The following EBF1 variants were observed in gnomAD, a reference collection of about 807,000 sequenced individuals.
The protein encoded by EBF1 is transcription factor COE1.
A neutral mutation model predicts 68.4 loss-of-function variants in EBF1; 10 were observed. The observed-to-expected ratio is 0.15, with a 90% CI of 0.09 to 0.25. The LOEUF is 0.25. Among genes scored for constraint, EBF1 ranks in the 10% least tolerant of loss-of-function variants. The pLI is 1.00. For missense variants in EBF1, 509 were observed against 794.4 expected (o/e 0.64, Z 4.32); for synonymous variants, 298 against 299.8 (o/e 0.99, Z 0.06).
chr5:158,830,490 C>T (rs894990134), intron 7 of EBF1, among the ~76,000 whole-genome samples: 3 of 152,112 alleles, frequency 2.0e-5, no homozygotes, highest in African/African-American at 7.2e-5. Flanking sequence ...AGGATGGTCT[C>T]GATCTCTTGA....
intron 6 of EBF1, among the ~76,000 whole-genome samples, chr5:159,033,567 G>T (rs1769390158): frequency 1.3e-5 from 2 of 152,204 alleles, no homozygotes. Context: ...GTTGTATCTT[G>T]ACAGTGAGAG....
In EBF1 at chr5:158,883,376, G is replaced by GTA. The variant is rs753786053; in HGVS notation, c.555-43268_555-43267dup. Among the ~76,000 whole-genome samples, 15 of 148,572 alleles carry GTA rather than the reference G, an allele frequency of 1.0e-4. 1 individual carries two copies. Among genetic ancestry groups the GTA allele is most frequent in the East Asian group, 5.9e-4 (3 of 5,082 alleles). On this transcript the variant is annotated intron_variant, in intron 6 of 15. Coordinates refer to ENST00000313708, the MANE Select transcript of EBF1 (RefSeq NM_024007.5). ...TATATATATATACACATACATACAT[G>GTA]TATATATATACATACATACATGTGT...
intron 11 of EBF1, among the ~76,000 whole-genome samples, chr5:158,729,108 C>T (rs1156250507): frequency 6.6e-6 from 1 of 152,168 alleles, no homozygotes; most frequent in African/African-American, 2.4e-5. Context: ...ACTCAACTGG[C>T]AAATCATCAT....
chr5:158,945,785 T>C (rs991982465), intron 6 of EBF1, among the ~76,000 whole-genome samples: 1 of 152,216 alleles, frequency 6.6e-6, no homozygotes, highest in African/African-American at 2.4e-5. Context: ...ATTTCCAACT[T>C]GGTTCCATTC....
At chr5:158,819,969 T>C (rs1362341398) in intron 8 of EBF1, among the ~76,000 whole-genome samples, 1 of 152,122 alleles carries the variant, frequency 6.6e-6, no homozygotes, top group African/African-American at 2.4e-5. Context: ...TACAGGGTCA[T>C]TTATCAGAGC....
chr5:158,898,831 G>C (rs1446812937), intron 6 of EBF1, among the ~76,000 whole-genome samples: 2 of 152,242 alleles, frequency 1.3e-5, no homozygotes, highest in African/African-American at 4.8e-5. Context: ...TTACAGGGCA[G>C]TGAAAGACTG....
chr5:158,784,094 A>G (rs1174141583), intron 9 of EBF1, among the ~76,000 whole-genome samples: 1 of 152,228 alleles, frequency 6.6e-6, no homozygotes, highest in East Asian at 1.9e-4. Flanking sequence ...GACTTCAACT[A>G]TAATGACCTT....
chr5:158,914,597 A>C (rs1806737626), intron 6 of EBF1, among the ~76,000 whole-genome samples: 1 of 152,114 alleles, frequency 6.6e-6, no homozygotes, highest in African/African-American at 2.4e-5. Context: ...CTGTGCCTAC[A>C]TTTAAGAAAA....
chr5:158,958,691 C>T (rs1817606300), intron 6 of EBF1, among the ~76,000 whole-genome samples: 1 of 152,022 alleles, frequency 6.6e-6, no homozygotes, highest in African/African-American at 2.4e-5. Flanking sequence ...GCGAAGTCAC[C>T]CAGTCATTTT....
intron 6 of EBF1, among the ~76,000 whole-genome samples, chr5:158,935,686 A>G (rs1811862376): frequency 6.6e-6 from 1 of 152,200 alleles, no homozygotes; most frequent in Non-Finnish European, 1.5e-5. Context: ...AATTCCCATC[A>G]CTATAATGAG....
chr5:159,068,018 G>T (rs1440925231), intron 6 of EBF1, among the ~76,000 whole-genome samples: 1 of 152,070 alleles, frequency 6.6e-6, no homozygotes, highest in Non-Finnish European at 1.5e-5. Context: ...TACACCTCTG[G>T]TTCTTCATAC....
intron 10 of EBF1, among the ~76,000 whole-genome samples, chr5:158,769,458 A>T (rs548721215): frequency 1.6e-4 from 25 of 152,290 alleles, no homozygotes; most frequent in Admixed American, 5.2e-4. Flanking sequence ...CTCCACTCCA[A>T]ATAGGAAATA....
At chr5:158,993,973 C>T (rs1047939748) in intron 6 of EBF1, among the ~76,000 whole-genome samples, 3 of 152,168 alleles carry the variant, frequency 2.0e-5, no homozygotes, top group East Asian at 1.9e-4. Flanking sequence ...TGGTTGTCTC[C>T]GTCACTTTAA....
At chr5:159,012,949 G>A (rs1285263213) in intron 6 of EBF1, among the ~76,000 whole-genome samples, 2 of 152,236 alleles carry the variant, frequency 1.3e-5, no homozygotes, top group East Asian at 3.9e-4. Context: ...GGAAGAAGAC[G>A]GCGTCTACGA....
intron 6 of EBF1, among the ~76,000 whole-genome samples, chr5:158,863,316 A>G (rs1486260521): frequency 6.6e-6 from 1 of 152,148 alleles, no homozygotes; most frequent in Non-Finnish European, 1.5e-5. Flanking sequence ...TCCCGACAGG[A>G]ATAGAACATC....
chr5:159,096,541 A>G, intron 2 of EBF1, 135 bp from the exon 3 acceptor site: 2 of 943,250 alleles, frequency 2.1e-6, no homozygotes, highest in Non-Finnish European at 3.3e-6. Context: ...GTAGCAGCAG[A>G]AATTGTGGCC....
intron 15 of EBF1, among the ~76,000 whole-genome samples, chr5:158,699,968 C>G (rs578035685): frequency 6.6e-6 from 1 of 152,154 alleles, no homozygotes; most frequent in Non-Finnish European, 1.5e-5. Flanking sequence ...GGCCTGAGTC[C>G]CACCTCTGGC....
intron 6 of EBF1, among the ~76,000 whole-genome samples, chr5:158,984,054 A>C (rs1481549293): frequency 1.3e-5 from 2 of 152,110 alleles, no homozygotes; most frequent in African/African-American, 4.8e-5. Flanking sequence ...TTAGAAGCTT[A>C]TTTGCCATGA....
At chr5:158,992,545 C>T (rs766930752) in intron 6 of EBF1, among the ~76,000 whole-genome samples, 1 of 152,190 alleles carries the variant, frequency 6.6e-6, no homozygotes, top group Non-Finnish European at 1.5e-5. Flanking sequence ...TGCTAGGATT[C>T]TTGGCACTGC....
Sources: allele counts gnomAD v4.1 joint callset (sites outside exome capture counted in the v4.1 genomes callset), GRCh38; gene constraint gnomAD v4.1.1; transcripts MANE v1.5; gene names NCBI Gene and HGNC (gene_info 2026-07-23, HGNC 2026-07-21).